Variants in CHN2 observed in about 807,000 individuals in gnomAD.
CHN2 encodes beta-chimaerin.
A neutral mutation model predicts 56.3 loss-of-function variants in CHN2; 35 were observed. The ratio of observed to expected loss-of-function variants is 0.62; its 90% CI spans 0.47 to 0.82. The LOEUF is 0.82. Among genes scored for constraint, CHN2 ranks in the 40% least tolerant of loss-of-function variants. CHN2 has a pLI of 0.00. For synonymous variants in CHN2, 210 were observed against 212.8 expected, an observed-to-expected ratio of 0.99 and a Z score of 0.12; for missense variants, 491 against 580.5, an observed-to-expected ratio of 0.85 and a Z score of 1.58.
chr7:29,423,530 C>T (rs1054172570), intron 6 of CHN2, among the ~76,000 whole-genome samples: 3 of 152,254 alleles, frequency 2.0e-5, no homozygotes, highest in African/African-American at 7.2e-5. Flanking sequence ...GCATCCTGTG[C>T]ATGCCACTGG....
intron 1 of CHN2, among the ~76,000 whole-genome samples, chr7:29,275,195 G>A (rs961968997): frequency 3.3e-5 from 5 of 152,008 alleles, no homozygotes; most frequent in African/African-American, 7.2e-5. Context: ...GGTAGTATAC[G>A]TATAAGTTTC....
rs542361689 is a variant in CHN2 at position 29,295,510 on chromosome 7, C to T, written c.50-59115C>T. On this transcript the variant is annotated intron_variant, in intron 1 of 12. Coordinates refer to ENST00000222792, the MANE Select transcript of CHN2 (RefSeq NM_004067.4). ...AGGCATGGTGGCTCACGCCTGTGATCTCAGCACTTTGGGAGGCCAAGGCAA... is the reference window on the plus strand; with the variant it reads ...AGGCATGGTGGCTCACGCCTGTGATTTCAGCACTTTGGGAGGCCAAGGCAA... Among the ~76,000 whole-genome samples, 8 of 151,616 alleles carry T rather than the reference C, an allele frequency of 5.3e-5. No individual in the cohort carries two copies. In the South Asian group the frequency reaches 1.7e-3, roughly 32 times the overall value.
chr7:29,185,051 A>G (rs138679841), intron 2 of CHN2, among the ~76,000 whole-genome samples: 2 of 152,300 alleles, frequency 1.3e-5, no homozygotes, highest in African/African-American at 2.4e-5. Context: ...TTATTTTCAT[A>G]TATTCAGAAC....
intron 6 of CHN2, among the ~76,000 whole-genome samples, chr7:29,460,977 A>T (rs1384326444): frequency 6.6e-6 from 1 of 152,194 alleles, no homozygotes; most frequent in Non-Finnish European, 1.5e-5. Context: ...TTGTCTCACG[A>T]TGTTGTTCCA....
chr7:29,265,166 C>T (rs1410193969), intron 1 of CHN2, among the ~76,000 whole-genome samples: 2 of 152,164 alleles, frequency 1.3e-5, no homozygotes, highest in Non-Finnish European at 2.9e-5. Flanking sequence ...GCACAGTCCA[C>T]AACGCTGCCC....
chr7:29,500,147 T>G, intron 9 of CHN2, 107 bp downstream of exon 9: 1 of 827,106 alleles, frequency 1.2e-6, no homozygotes. Context: ...GTTGGGAAAA[T>G]GACCTACGCA....
At chr7:29,292,099 A>G (rs1416714684) in intron 1 of CHN2, among the ~76,000 whole-genome samples, 2 of 152,214 alleles carry the variant, frequency 1.3e-5, no homozygotes, top group African/African-American at 4.8e-5. Flanking sequence ...GCAAATTTGT[A>G]TATCCACACT....
intron 1 of CHN2, chr7:29,336,251 A>G (rs1474481183): frequency 6.6e-6 from 1 of 152,186 alleles, no homozygotes; most frequent in Admixed American, 6.5e-5. Context: ...TAAGACAGGT[A>G]CTGAAAGACG....
chr7:29,390,211 A>T (rs1461633118), intron 3 of CHN2, among the ~76,000 whole-genome samples: 6 of 152,228 alleles, frequency 3.9e-5, no homozygotes, highest in African/African-American at 1.4e-4. Flanking sequence ...TTCCTTTTTG[A>T]GCCAGCTGGA....
chr7:29,463,658 G>A (rs533796966), intron 6 of CHN2, among the ~76,000 whole-genome samples: 12 of 152,270 alleles, frequency 7.9e-5, no homozygotes, highest in Non-Finnish European at 1.3e-4. Flanking sequence ...CTTTGGGTGA[G>A]GGCCTGGAAA....
At position 29,377,806 on chromosome 7, in the gene CHN2, G is replaced by T. The variant is rs112856344; in HGVS notation, c.144+9819G>T. On this transcript the variant is annotated intron_variant, in intron 3 of 12. Coordinates refer to ENST00000222792, the MANE Select transcript of CHN2 (RefSeq NM_004067.4). ...TCTAAGTACACCATGTCTCTGTCTT[G>T]TTGGACGGAAAAGCAAGCTCTGCTT... Among the ~76,000 whole-genome samples, 1,365 of 152,338 alleles carry T rather than the reference G, an allele frequency of 9.0e-3. 19 individuals are homozygous for T. Among genetic ancestry groups the T allele is most frequent in the African/African-American group, 0.031 (1,272 of 41,580 alleles).
chr7:29,327,320 GGA>G (rs1234396113), intron 1 of CHN2, among the ~76,000 whole-genome samples: 1 of 152,164 alleles, frequency 6.6e-6, no homozygotes, highest in Non-Finnish European at 1.5e-5. Flanking sequence ...CAGAAAAGTT[GGA>G]GATAAGGCTC....
At chr7:29,244,509 G>A (rs77922823) in intron 1 of CHN2, among the ~76,000 whole-genome samples, 1 of 152,164 alleles carries the variant, frequency 6.6e-6, no homozygotes, top group Non-Finnish European at 1.5e-5. Flanking sequence ...GCCGACTATC[G>A]GCAGATACTG....
At chr7:29,314,365 A>G (rs39117) in intron 1 of CHN2, among the ~76,000 whole-genome samples, 136,293 of 152,240 alleles carry the variant, frequency 0.9, 61,135 homozygotes, top group East Asian at 1. Flanking sequence ...TGGAATGGTG[A>G]TTTTCAGAGG....
rs114327791 is a variant in CHN2, at chr7:29,214,590, C to T, written c.49+19600C>T. Among the ~76,000 whole-genome samples, 1,034 of 152,256 alleles carry T rather than the reference C, an allele frequency of 6.8e-3. 9 individuals carry two copies. Among genetic ancestry groups the T allele is most frequent in the African/African-American group, 0.023 (943 of 41,538 alleles). ...CTTGTGGTGTCTTTCCTAATCTTCACCAACAGTTTATTGGCCAGAAACTAA... is the reference window on the plus strand; with the variant it reads ...CTTGTGGTGTCTTTCCTAATCTTCATCAACAGTTTATTGGCCAGAAACTAA... On this transcript the variant is annotated intron_variant, in intron 1 of 12. Transcript: ENST00000222792.
intron 4 of CHN2, 137 bp downstream of exon 4, chr7:29,393,847 T>C (rs1801534361): frequency 7.3e-6 from 2 of 272,440 alleles, no homozygotes; most frequent in Non-Finnish European, 1.3e-5. Flanking sequence ...ATAAATGCAA[T>C]CAGACTCCTT....
chr7:29,194,656 G>T, upstream of CHN2: 1 of 331,670 alleles, frequency 3.0e-6, no homozygotes, highest in Non-Finnish European at 5.4e-6. Flanking sequence ...CGCCCGTCCC[G>T]GCTGCCCCTC....
chr7:29,174,415 GC>G (rs1562808053), intron 2 of CHN2, among the ~76,000 whole-genome samples: 1 of 152,194 alleles, frequency 6.6e-6, no homozygotes, highest in Non-Finnish European at 1.5e-5. Context: ...CCAGTACATA[GC>G]CAAGGTCTGC....
intron 1 of CHN2, among the ~76,000 whole-genome samples, chr7:29,321,962 A>G (rs1256124487): frequency 6.6e-6 from 1 of 152,220 alleles, no homozygotes; most frequent in East Asian, 1.9e-4. Context: ...TTGCCAATCT[A>G]ATTTAAGGCA....
Sources: gnomAD v4.1 joint callset for allele counts (sites outside exome capture counted in the v4.1 genomes callset) on GRCh38, gnomAD v4.1.1 for gene constraint, MANE v1.5 for transcripts, NCBI Gene and HGNC (gene_info 2026-07-23, HGNC 2026-07-21) for gene names.